Variants in DIS3 observed in about 807,000 individuals in gnomAD.
The protein encoded by DIS3 is DIS3 exosome endoribonuclease and 3'-5' exoribonuclease.
DIS3 carries 103 observed loss-of-function variants against 113.0 expected under a neutral mutation model. The observed-to-expected ratio is 0.91, with a 90% CI of 0.78 to 1.07. DIS3 has a LOEUF of 1.07. DIS3 is among the 50% of genes least tolerant of loss of function. The probability of loss-of-function intolerance (pLI) is 0.00; values close to 1 mark genes in which losing one functional copy is unlikely to be tolerated. For synonymous variants in DIS3, 402 were observed against 394.3 expected (o/e 1.02, Z -0.23); for missense variants, 1,121 against 1,167.1 (o/e 0.96, Z 0.58).
intron 15 of DIS3, among the ~76,000 whole-genome samples, chr13:72,765,215 G>A (rs1263893642): frequency 1.3e-5 from 2 of 152,176 alleles, no homozygotes; most frequent in Middle Eastern, 3.4e-3. Context: ...TATGAGGTAG[G>A]TGCCATTATC....
chr13:72,779,829 AC>A (rs2034111791), intron 2 of DIS3, among the ~76,000 whole-genome samples: 1 of 152,050 alleles, frequency 6.6e-6, no homozygotes, highest in Non-Finnish European at 1.5e-5. Context: ...TAAACATACT[AC>A]AATGTATAAA....
chr13:72,772,849 A>G lies in DIS3; in HGVS notation c.1240-10T>C. On this transcript the variant is annotated splice_polypyrimidine_tract_variant and intron_variant, in intron 8 of 20. Coordinates refer to ENST00000377767, the MANE Select transcript of DIS3 (RefSeq NM_014953.5). ...TTCTCACAAAGTGTCCCTGAAACCAAGAGGCATTATTAGAAACGCCTATTT... is the reference window on the plus strand; with the variant it reads ...TTCTCACAAAGTGTCCCTGAAACCAGGAGGCATTATTAGAAACGCCTATTT... 6.3e-7 allele frequency: 1 copy of G among 1,582,744 alleles called. No individual in the cohort carries two copies. Among genetic ancestry groups the G allele is most frequent in the Non-Finnish European group, 8.6e-7 (1 of 1,168,960 alleles).
intron 4 of DIS3, among the ~76,000 whole-genome samples, chr13:72,777,167 T>C (rs1311738201): frequency 6.6e-6 from 1 of 152,236 alleles, no homozygotes; most frequent in Non-Finnish European, 1.5e-5. Context: ...GTTCATTTTT[T>C]CCTCAACCAA....
intron 2 of DIS3, 79 bp from the exon 3 acceptor site, chr13:72,778,459 T>A: frequency 8.4e-7 from 1 of 1,194,558 alleles, no homozygotes; most frequent in Non-Finnish European, 1.1e-6. Context: ...CATAAATGCT[T>A]AACCACTAAA....
chr13:72,771,702 C>T, intron 11 of DIS3, 93 bp downstream of exon 11: 2 of 1,251,184 alleles, frequency 1.6e-6, no homozygotes, highest in East Asian at 2.3e-5. Context: ...TTTAAAGCCA[C>T]ATTATTCCAT....
At chr13:72,777,940 T>A (rs1410519816) in intron 3 of DIS3, among the ~76,000 whole-genome samples, 1 of 151,980 alleles carries the variant, frequency 6.6e-6, no homozygotes, top group African/African-American at 2.4e-5. Context: ...GAAGCAGGGG[T>A]TCCAGTATAT....
chr13:72,771,088 C>G lies in DIS3; in HGVS notation c.1663G>C (p.Val555Leu). 6.2e-7 allele frequency: 1 copy of G among 1,613,406 alleles called. No individual in the cohort carries two copies. The highest frequency in any genetic ancestry group is 1.7e-5 in the Admixed American group (1 of 59,978). Residue 555 changes from valine to leucine, a missense_variant, in exon 12 of 21, where the codon GTG (valine) becomes CTG (leucine). Val to Leu is a conservative substitution (Grantham distance 32). Coordinates refer to ENST00000377767, the MANE Select transcript of DIS3 (RefSeq NM_014953.5). ...SSNLCSLKCD[V>L]DRLAFSCIWE... ...AAAACCATGCAGAAATACCTGTCCA[C>G]GTCACATTTTAAGGAACACAAGTTA...
intron 14 of DIS3, among the ~76,000 whole-genome samples, chr13:72,766,895 CCTTGT>C (rs2033762142): frequency 6.6e-6 from 1 of 152,068 alleles, no homozygotes; most frequent in African/African-American, 2.4e-5. Flanking sequence ...AAGTCTAAGT[CCTTGT>C]CTTCTTCAAT....
chr13:72,753,471 T>G lies in DIS3; in HGVS notation c.*6324A>C, dbSNP rs1481613960. ...TGATTCTTAAGGAAGTTACAAGATA[T>G]ATTTCATTGGAAGGAATTGTAAAAT... On this transcript the variant is annotated 3_prime_UTR_variant, in exon 21 of 21. Coordinates refer to ENST00000377767, the MANE Select transcript of DIS3 (RefSeq NM_014953.5). 2.5e-6 allele frequency: 1 copy of G among 393,678 alleles called. No homozygotes were observed. The highest frequency in any genetic ancestry group is 4.3e-5 in the East Asian group (1 of 23,178). 24.4% of individuals were successfully genotyped at this position (393,678 alleles called of 1,614,324 possible). A position where few individuals can be genotyped will look rare whatever the true frequency, so the allele number is the denominator to read the frequency against.
chr13:72,763,971 G>A (rs1393863702), intron 15 of DIS3, among the ~76,000 whole-genome samples: 3 of 151,956 alleles, frequency 2.0e-5, no homozygotes, highest in Non-Finnish European at 4.4e-5. Context: ...CCAACATGAC[G>A]AAACCCTGAC....
chr13:72,752,401 C>T lies in DIS3; in HGVS notation c.*7394G>A, dbSNP rs1242286383. 1.3e-5 allele frequency: 2 copies of T among 152,204 alleles called. No homozygotes were observed. The highest frequency in any genetic ancestry group is 2.9e-5 in the Non-Finnish European group (2 of 68,058). 9.4% of individuals were successfully genotyped at this position (152,204 alleles called of 1,614,324 possible). A position where few individuals can be genotyped will look rare whatever the true frequency, so the allele number is the denominator to read the frequency against. ...AGATGAGAGACAGTGAAGTCAGCCA[C>T]CATCTCAACTTGGCTCTCATCAATC... is the stretch of plus-strand genomic sequence containing the variant. On this transcript the variant is annotated 3_prime_UTR_variant, in exon 21 of 21. Coordinates refer to ENST00000377767, the MANE Select transcript of DIS3 (RefSeq NM_014953.5).
chr13:72,752,777 TAA>T lies in DIS3; in HGVS notation c.*7016_*7017del, dbSNP rs34717389. On this transcript the variant is annotated 3_prime_UTR_variant, in exon 21 of 21. Transcript: ENST00000377767. ...ACATTTTTTCAGGATTATTAAGTGA[TAA>T]AGAGTGCCGTTTCTAGGCTAGTCTG... 83,759 of 151,770 alleles carry T rather than the reference TAA, an allele frequency of 0.55. 23,475 individuals carry two copies. The highest frequency in any genetic ancestry group is 0.71 in the East Asian group (3,622 of 5,136). 9.4% of individuals were successfully genotyped at this position (151,770 alleles called of 1,614,324 possible). A position where few individuals can be genotyped will look rare whatever the true frequency, so the allele number is the denominator to read the frequency against.
chr13:72,768,154 T>C (rs764859256), intron 14 of DIS3, among the ~76,000 whole-genome samples: 37 of 152,192 alleles, frequency 2.4e-4, no homozygotes, highest in Non-Finnish European at 5.9e-5. Context: ...CTACGTTTAT[T>C]TAAACCTCTG....
intron 2 of DIS3, among the ~76,000 whole-genome samples, chr13:72,780,223 G>A (rs1235432648): frequency 6.7e-6 from 1 of 150,202 alleles, no homozygotes; most frequent in Non-Finnish European, 1.5e-5. Flanking sequence ...CTACTCAGGA[G>A]GCTGAGGCAG....
At chr13:72,773,324 C>T (rs1172637294) in intron 8 of DIS3, among the ~76,000 whole-genome samples, 7 of 151,994 alleles carry the variant, frequency 4.6e-5, no homozygotes, top group Admixed American at 3.3e-4. Context: ...TAGCTGGGCA[C>T]GGTAGTGCAC....
intron 14 of DIS3, among the ~76,000 whole-genome samples, chr13:72,767,059 G>C (rs2033767040): frequency 6.6e-6 from 1 of 152,068 alleles, no homozygotes; most frequent in Non-Finnish European, 1.5e-5. Flanking sequence ...GACATAAAAA[G>C]CAAGGTATAC....
rs1177757014 is a variant in DIS3 at position 72,755,692 on chromosome 13, A to T, written c.*4103T>A. The T allele has an allele frequency of 1.8e-5, 7 of 395,342 alleles. No homozygotes were observed. Among genetic ancestry groups the T allele is most frequent in the Admixed American group, 4.4e-5 (1 of 22,676 alleles). The allele number at this position is 395,342 out of a possible 1,614,324, so 24.5% of individuals were successfully genotyped here. ...ACTAACTTTTCAAAGATACAAAAGA[A>T]ATTAAACAGGTTTCCTGAAATTTTA... On this transcript the variant is annotated 3_prime_UTR_variant, in exon 21 of 21. Coordinates refer to ENST00000377767, the MANE Select transcript of DIS3 (RefSeq NM_014953.5).
At chr13:72,762,672 A>G (rs944706970) in intron 16 of DIS3, among the ~76,000 whole-genome samples, 1 of 152,206 alleles carries the variant, frequency 6.6e-6, no homozygotes, top group Non-Finnish European at 1.5e-5. Flanking sequence ...CCCAAGGGGT[A>G]AGCACCCCTA....
In DIS3 at chr13:72,781,614, T is replaced by TAAC. The variant is rs1332198608; in HGVS notation, c.216_218dup (p.Leu74dup). The stretch of plus-strand genomic sequence containing the variant: ...TCGCCCGCCCACGCACCTGGTGCAG[T>TAAC]AACACATTAGTGTCGGGCAGCAAGT... On this transcript the variant is annotated inframe_insertion, in exon 1 of 21. Coordinates refer to ENST00000377767, the MANE Select transcript of DIS3 (RefSeq NM_014953.5). 1.3e-6 allele frequency: 2 copies of TAAC among 1,522,754 alleles called. No homozygotes were observed. The highest frequency in any genetic ancestry group is 1.8e-6 in the Non-Finnish European group (2 of 1,131,162). 94.3% of individuals were successfully genotyped at this position (1,522,754 alleles called of 1,614,324 possible).
Sources: allele counts gnomAD v4.1 joint callset (sites outside exome capture counted in the v4.1 genomes callset), GRCh38; gene constraint gnomAD v4.1.1; transcripts MANE v1.5; gene names NCBI Gene and HGNC (gene_info 2026-07-23, HGNC 2026-07-21).